The following SHC2 variants were observed in gnomAD, a reference collection of about 807,000 sequenced individuals.
SHC2 encodes SHC-transforming protein 2.
A neutral mutation model predicts 60.6 loss-of-function variants in SHC2; 62 were observed. The ratio of observed to expected loss-of-function variants is 1.02; its 90% CI spans 0.83 to 1.26. SHC2 has a LOEUF of 1.26. Ranked by LOEUF, SHC2 falls within the 50% of genes most tolerant of loss-of-function variation. The pLI, the probability that SHC2 is intolerant of heterozygous loss-of-function variation, is 0.00. For missense variants in SHC2, 873 were observed against 822.2 expected (o/e 1.06, Z -0.76); for synonymous variants, 375 against 372.4 (o/e 1.01, Z -0.08).
At chr19:451,224 G>A (rs796211824) in intron 1 of SHC2, among the ~76,000 whole-genome samples, 84 of 99,134 alleles carry the variant, frequency 8.5e-4, no homozygotes, top group Non-Finnish European at 1.4e-3. Flanking sequence ...TGGCCACGCC[G>A]TGGCCACGTC....
chr19:442,890 G>T (rs1402447205), intron 1 of SHC2, among the ~76,000 whole-genome samples: 268 of 145,396 alleles, frequency 1.8e-3, no homozygotes, highest in African/African-American at 6.7e-3. Context: ...TGGATGGGTG[G>T]GTGGATGAAT....
In SHC2 at chr19:440,869, C is replaced by A. The variant is rs548990529; in HGVS notation, c.532G>T (p.Val178Leu). The change falls in exon 2 of 13, where the codon GTG becomes TTG. Residue 178 changes from valine to leucine, a missense_variant. Transcript: ENST00000264554. The surrounding 1 kb of genome is among the most constrained non-coding windows in gnomAD (Gnocchi z 7.0). ...GCAGGGTTGGAGGCTCACCTGGTCA[C>A]CTGCGTGCGCGTGTTAAAGTCCAGG... ...RSLDFNTRTQVTREAINRLHE... is the reference protein window; with the variant it reads ...RSLDFNTRTQLTREAINRLHE... 1.2e-6 allele frequency: 2 copies of A among 1,612,670 alleles called. No individual in the cohort carries two copies. The highest frequency in any genetic ancestry group is 1.7e-6 in the Non-Finnish European group (2 of 1,179,688).
chr19:417,356 G>C (rs1974176040), intron 12 of SHC2, 34 bp from the exon 13 acceptor site: 2 of 152,452 alleles, frequency 1.3e-5, no homozygotes, highest in African/African-American at 4.8e-5. Context: ...GGTCAGGGCT[G>C]AGACGGTGGC....
At position 435,495 on chromosome 19, in the gene SHC2, C is replaced by T. The variant is rs148105879; in HGVS notation, c.954-630G>A. 6.3e-3 allele frequency among the ~76,000 whole-genome samples: 954 copies of T among 152,366 alleles called. 3 individuals carry two copies. Among genetic ancestry groups the T allele is most frequent in the Non-Finnish European group, 9.7e-3 (658 of 68,036 alleles). On this transcript the variant is annotated intron_variant, in intron 7 of 12. Coordinates refer to ENST00000264554, the MANE Select transcript of SHC2 (RefSeq NM_012435.3). The stretch of plus-strand genomic sequence containing the variant: ...GAGTGTGAGCAGGCGTGCGATGCCG[C>T]CTCCCTCGTGACCAGCAGGCTGGGA...
At chr19:418,518 C>T (rs1007598574) in intron 12 of SHC2, among the ~76,000 whole-genome samples, 5 of 152,362 alleles carry the variant, frequency 3.3e-5, no homozygotes, top group African/African-American at 1.2e-4. Context: ...GGGACATTAT[C>T]CAGCCGAGAA....
At position 438,662 on chromosome 19, in the gene SHC2, A is replaced by T; in HGVS notation, c.720+56T>A. ...AGCACCCCACCTGGCTTTGCCTCCT[A>T]GGACTCCTGGCCCCTCTGGGGGTCT... On this transcript the variant is annotated intron_variant, in intron 4 of 12. Coordinates refer to ENST00000264554, the MANE Select transcript of SHC2 (RefSeq NM_012435.3). This position sits in a 1 kb window ranked among gnomAD's most constrained non-coding sequence, Gnocchi z 5.0. 6.5e-7 allele frequency: 1 copy of T among 1,533,046 alleles called. No homozygotes were observed. The highest frequency in any genetic ancestry group is 8.8e-7 in the Non-Finnish European group (1 of 1,139,858). The allele number at this position is 1,533,046 out of a possible 1,614,324, so 95.0% of individuals were successfully genotyped here.
rs572251677 is a variant in SHC2 at position 444,163 on chromosome 19, G to A, written c.469-3231C>T. 2.6e-5 allele frequency among the ~76,000 whole-genome samples: 4 copies of A among 152,196 alleles called. No homozygotes were observed. In the East Asian group the frequency reaches 7.7e-4, roughly 29 times the overall value. ...TGGTGGGTGGATGAATGGATGGATG[G>A]ATGGGTGGGTGGATGAGTAGATGGA... On this transcript the variant is annotated intron_variant, in intron 1 of 12. Transcript: ENST00000264554.
chr19:426,972 G>A (rs532137274), intron 9 of SHC2, among the ~76,000 whole-genome samples: 2 of 152,284 alleles, frequency 1.3e-5, no homozygotes, highest in African/African-American at 2.4e-5. Context: ...AATCGGGAAG[G>A]GCATGAGTGC....
At chr19:444,447 C>A (rs1384555234) in intron 1 of SHC2, among the ~76,000 whole-genome samples, 1 of 152,132 alleles carries the variant, frequency 6.6e-6, no homozygotes, top group Non-Finnish European at 1.5e-5. Flanking sequence ...TAACACGTAG[C>A]CCACTCCGGT....
At chr19:423,204 A>C (rs112679509) in intron 10 of SHC2, among the ~76,000 whole-genome samples, 4 of 12,484 alleles carry the variant, frequency 3.2e-4, no homozygotes, top group Non-Finnish European at 3.3e-4. Context: ...CCTGACCCTC[A>C]CTCCCTGGTC....
intron 1 of SHC2, among the ~76,000 whole-genome samples, chr19:456,179 C>T (rs1466424057): frequency 1.3e-5 from 2 of 152,226 alleles, no homozygotes; most frequent in African/African-American, 4.8e-5. Flanking sequence ...CCTGAGCCGC[C>T]GGCCGCAGCC....
rs189299816 is a variant in SHC2, at chr19:428,987, A to G, written c.1174+1697T>C. On this transcript the variant is annotated intron_variant, in intron 9 of 12. Coordinates refer to ENST00000264554, the MANE Select transcript of SHC2 (RefSeq NM_012435.3). ...TGCACGGAAACCTAACACCGTGTGG[A>G]TGACGCAGTACCTATATCCAACATG... Among the ~76,000 whole-genome samples, 1,095 of 150,862 alleles carry G rather than the reference A, an allele frequency of 7.3e-3. 4 individuals are homozygous for G. Among genetic ancestry groups the G allele is most frequent in the Non-Finnish European group, 0.012 (816 of 67,782 alleles).
At chr19:452,177 G>T (rs1190360833) in intron 1 of SHC2, among the ~76,000 whole-genome samples, 1 of 151,018 alleles carries the variant, frequency 6.6e-6, no homozygotes, top group Non-Finnish European at 1.5e-5. Flanking sequence ...GACTTGGGGG[G>T]AATTCCTGCG....
intron 11 of SHC2, among the ~76,000 whole-genome samples, chr19:420,258 C>T (rs979130025): frequency 6.6e-6 from 1 of 152,164 alleles, no homozygotes; most frequent in African/African-American, 2.4e-5. Context: ...GGAGAACAGG[C>T]AGCTCTCGCC....
intron 1 of SHC2, among the ~76,000 whole-genome samples, chr19:448,207 C>G (rs1024023211): frequency 7.2e-5 from 11 of 152,372 alleles, no homozygotes; most frequent in Admixed American, 6.5e-4. Flanking sequence ...AAGTCACCTT[C>G]ACCAAGTACA....
chr19:459,472 A>C lies in SHC2; in HGVS notation c.468+1057T>G, dbSNP rs576840037. On this transcript the variant is annotated intron_variant, in intron 1 of 12. Transcript: ENST00000264554. ...TAGGGGGAAGGACCCCTCTCAACTCAGCGTAGGGGGAAGGACCCCACTGAA... is the reference window on the plus strand; with the variant it reads ...TAGGGGGAAGGACCCCTCTCAACTCCGCGTAGGGGGAAGGACCCCACTGAA... 2.9e-4 allele frequency among the ~76,000 whole-genome samples: 40 copies of C among 136,716 alleles called. 1 individual carries two copies. The highest frequency in any genetic ancestry group is 1.1e-3 in the African/African-American group (39 of 34,676). 89.7% of individuals were successfully genotyped at this position (136,716 alleles called of 152,430 possible). A position where few individuals can be genotyped will look rare whatever the true frequency, so the allele number is the denominator to read the frequency against.
intron 12 of SHC2, 143 bp downstream of exon 12, chr19:418,780 T>C (rs1032611805): frequency 1.1e-5 from 10 of 918,356 alleles, no homozygotes; most frequent in Non-Finnish European, 1.6e-5. Context: ...ACAGAGATGG[T>C]TGCACGGCTC....
At chr19:421,076 G>C (rs1172570549) in intron 11 of SHC2, among the ~76,000 whole-genome samples, 1 of 148,362 alleles carries the variant, frequency 6.7e-6, no homozygotes, top group Non-Finnish European at 1.5e-5. Context: ...AGGAAGAAAA[G>C]AAGAAAGAAA....
At chr19:428,188 G>T (rs577708980) in intron 9 of SHC2, among the ~76,000 whole-genome samples, 1 of 152,296 alleles carries the variant, frequency 6.6e-6, no homozygotes, top group South Asian at 2.1e-4. Flanking sequence ...TCACACCACT[G>T]CCCTCCAACC....
Sources: allele counts gnomAD v4.1 joint callset (sites outside exome capture counted in the v4.1 genomes callset), GRCh38; gene constraint gnomAD v4.1.1; non-coding constraint Gnocchi (gnomAD v3.1); transcripts MANE v1.5; gene names NCBI Gene and HGNC (gene_info 2026-07-23, HGNC 2026-07-21).